The following COL5A1 variants were observed in gnomAD, a reference collection of about 807,000 sequenced individuals.
COL5A1 encodes collagen type V alpha 1 chain, also known as collagen alpha-1(V) chain.
In COL5A1, 16 loss-of-function variants were observed where a neutral mutation model predicts 263.7. The ratio of observed to expected loss-of-function variants is 0.06; its 90% CI spans 0.04 to 0.09. The LOEUF is 0.09. Ranked by LOEUF, COL5A1 falls within the 10% of genes least tolerant of loss-of-function variation. The pLI is 1.00. For missense variants in COL5A1, 2,036 were observed against 2,540.5 expected, an observed-to-expected ratio of 0.80 and a Z score of 4.27; for synonymous variants, 1,012 against 1,004.5, an observed-to-expected ratio of 1.01 and a Z score of -0.14.
chr9:134,780,873 G>C (rs150963635), intron 28 of COL5A1, among the ~76,000 whole-genome samples: 1 of 151,838 alleles, frequency 6.6e-6, no homozygotes, highest in Non-Finnish European at 1.5e-5. Flanking sequence ...CGGCCTCACC[G>C]TGCCACCCTC....
Position 134,829,984 on chromosome 9 carries a change from C to T in COL5A1, c.5076C>T (p.Ile1692=). 6.2e-7 allele frequency: 1 copy of T among 1,613,626 alleles called. No homozygotes were observed. The highest frequency in any genetic ancestry group is 8.5e-7 in the Non-Finnish European group (1 of 1,179,880). The change falls in exon 64 of 66, where the codon ATC becomes ATT. Residue 1692 remains isoleucine (I), a synonymous_variant. Coordinates refer to ENST00000371817, the MANE Select transcript of COL5A1 (RefSeq NM_000093.5). Reference sequence around the variant, plus strand: ...CCCCGCTGCATGTTTAGGCCAGAATCACTTCTTGGCCCAAAGAAAACCCGG... The same window carrying T: ...CCCCGCTGCATGTTTAGGCCAGAATTACTTCTTGGCCCAAAGAAAACCCGG... ...FPDKKSEGAR[I]TSWPKENPGS... is the part of the protein sequence containing the mutation.
At chr9:134,706,173 C>T (rs749290247) in intron 4 of COL5A1, among the ~76,000 whole-genome samples, 4 of 152,204 alleles carry the variant, frequency 2.6e-5, no homozygotes, top group Admixed American at 6.5e-5. Context: ...GGGACATTGT[C>T]CTGGGAAGTT....
In COL5A1 at chr9:134,728,185, C is replaced by T. The variant is rs1331154815; in HGVS notation, c.787-485C>T. Reference sequence around the variant, plus strand: ...CAGGACAGAGCTCCCAGCCGAGTCCCTGCTGCCCCGGCCTCCTGCCAGGCT... The same window carrying T: ...CAGGACAGAGCTCCCAGCCGAGTCCTTGCTGCCCCGGCCTCCTGCCAGGCT... On this transcript the variant is annotated intron_variant, in intron 5 of 65. Transcript: ENST00000371817. Among the ~76,000 whole-genome samples, 3 of 152,376 alleles carry T rather than the reference C, an allele frequency of 2.0e-5. No individual in the cohort carries two copies. The South Asian group carries it at 6.2e-4, about 32-fold the overall frequency.
In COL5A1 at chr9:134,652,790, A is replaced by G. The variant is rs576477284; in HGVS notation, c.109+10494A>G. The G allele has an allele frequency of 1.3e-5, 6 of 464,882 alleles. No individual in the cohort carries two copies. The highest frequency in any genetic ancestry group is 3.3e-4 in the Middle Eastern group (1 of 3,048). The allele number at this position is 464,882 out of a possible 1,614,324, so 28.8% of individuals were successfully genotyped here. On this transcript the variant is annotated intron_variant, in intron 1 of 65. Transcript: ENST00000371817. The surrounding 1 kb of genome is among the most constrained non-coding windows in gnomAD (Gnocchi z 4.4). ...GGTCCAGCGTTTCTCCTCATGGTGT[A>G]GACCAGCAGTTCCCAAACTTTACCA...
intron 54 of COL5A1, 44 bp downstream of exon 54, chr9:134,817,875 C>G (rs1462839588): frequency 6.5e-6 from 10 of 1,546,170 alleles, no homozygotes; most frequent in Non-Finnish European, 8.8e-6. Context: ...AGACCTCCCC[C>G]AGGGGAGCCC....
chr9:134,842,137 T>G lies in COL5A1; in HGVS notation c.5371-20T>G. The G allele has an allele frequency of 6.2e-7, 1 of 1,614,000 alleles. No homozygotes were observed. Among genetic ancestry groups the G allele is most frequent in the East Asian group, 2.2e-5 (1 of 44,858 alleles). On this transcript the variant is annotated intron_variant, in intron 65 of 65. Coordinates refer to ENST00000371817, the MANE Select transcript of COL5A1 (RefSeq NM_000093.5). The surrounding 1 kb of genome is among the most constrained non-coding windows in gnomAD (Gnocchi z 5.8). ...CCCAACTGTTCTTAACCACCGGCCA[T>G]CTGTCTCCCTCTTCCCCAGACCAAG...
At position 134,819,018 on chromosome 9, in the gene COL5A1, G is replaced by A. The variant is rs750864661; in HGVS notation, c.4411G>A (p.Gly1471Ser). Residue 1471 changes from glycine to serine, a missense_variant, in exon 57 of 66, where the codon GGC (glycine) becomes AGC (serine). This residue lies in a region of COL5A1 where 1,078 missense variants were observed against 1,521.4 expected (regional missense o/e 0.71). Coordinates refer to ENST00000371817, the MANE Select transcript of COL5A1 (RefSeq NM_000093.5). ...CCCACAGGGTCCCCCAGGACTTCCC[G>A]GCCTCAAAGGAGATTCTGGTCCCAA... ...PGPMGPPGLP[G>S]LKGDSGPKGE... is the part of the protein sequence containing the mutation. The A allele has an allele frequency of 7.4e-6, 12 of 1,613,290 alleles. No homozygotes were observed. Among genetic ancestry groups the A allele is most frequent in the Admixed American group, 3.3e-5 (2 of 60,008 alleles).
Position 134,641,860 on chromosome 9 carries a change from G to A in COL5A1, c.-328G>A. The A allele has an allele frequency of 2.6e-6, 1 of 389,312 alleles. No individual in the cohort carries two copies. The highest frequency in any genetic ancestry group is 4.5e-6 in the Non-Finnish European group (1 of 220,290). The allele number at this position is 389,312 out of a possible 1,614,324, so 24.1% of individuals were successfully genotyped here. Reference sequence around the variant, plus strand: ...GACCTCACTCGAGCGGAGCGCCCACGGGGAGCGGGTCGCGGGGCGGCGGCG... The same window carrying A: ...GACCTCACTCGAGCGGAGCGCCCACAGGGAGCGGGTCGCGGGGCGGCGGCG... On this transcript the variant is annotated 5_prime_UTR_variant, in exon 1 of 66. Coordinates refer to ENST00000371817, the MANE Select transcript of COL5A1 (RefSeq NM_000093.5).
intron 61 of COL5A1, among the ~76,000 whole-genome samples, chr9:134,823,875 ATGTG>A (rs765027569): frequency 1.3e-5 from 2 of 151,666 alleles, no homozygotes; most frequent in African/African-American, 2.4e-5. Context: ...TGTGTGCATG[ATGTG>A]TGTATGGGTA....
Position 134,767,332 on chromosome 9 carries a change from C to G in COL5A1, c.2210C>G (p.Ala737Gly). The G allele has an allele frequency of 6.2e-7, 1 of 1,614,084 alleles. No homozygotes were observed. The highest frequency in any genetic ancestry group is 8.5e-7 in the Non-Finnish European group (1 of 1,180,032). ...GAQGLPGPQG[A>G]IGPPGEKGPL... ...TAGGGTCTTCCAGGCCCCCAGGGTG[C>G]AATTGGTCCTCCAGGAGAAAAGGTA... The change falls in exon 24 of 66, where the codon GCA (alanine) becomes GGA (glycine). Residue 737 changes from alanine to glycine, a missense_variant. By Grantham distance (60) the Ala-to-Gly change is moderately conservative (BLOSUM62 0). Coordinates refer to ENST00000371817, the MANE Select transcript of COL5A1 (RefSeq NM_000093.5).
intron 28 of COL5A1, among the ~76,000 whole-genome samples, chr9:134,781,607 A>G (rs1341341949): frequency 2.0e-5 from 3 of 152,234 alleles, no homozygotes; most frequent in Non-Finnish European, 4.4e-5. Context: ...TGGGCTGTGC[A>G]GGGGATGCCT....
chr9:134,818,936 G>C lies in COL5A1; in HGVS notation c.4392+35G>C. On this transcript the variant is annotated intron_variant, in intron 56 of 65. Transcript: ENST00000371817. The surrounding 1 kb of genome is among the most constrained non-coding windows in gnomAD (Gnocchi z 6.0). Reference sequence around the variant, plus strand: ...ATTCCTCATGGTGAGCATAGCGGGTGGGATGACTTCGCCACCCAAAGCCCC... The same window carrying C: ...ATTCCTCATGGTGAGCATAGCGGGTCGGATGACTTCGCCACCCAAAGCCCC... 3.1e-6 allele frequency: 5 copies of C among 1,613,112 alleles called. No homozygotes were observed. Among genetic ancestry groups the C allele is most frequent in the Non-Finnish European group, 4.2e-6 (5 of 1,179,776 alleles).
chr9:134,767,532 C>T (rs1026843427), intron 24 of COL5A1, among the ~76,000 whole-genome samples, 178 bp downstream of exon 24: 6 of 152,212 alleles, frequency 3.9e-5, no homozygotes, highest in Non-Finnish European at 8.8e-5. Context: ...GATTTTGGAT[C>T]CGTGTCTCAT....
At chr9:134,726,149 G>A (rs535842044) in intron 4 of COL5A1, among the ~76,000 whole-genome samples, 61 of 152,338 alleles carry the variant, frequency 4.0e-4, no homozygotes, top group Admixed American at 5.9e-4. Context: ...GGTCTAGGGC[G>A]GGTGAGAGTG....
rs1184327130 is a variant in COL5A1 at position 134,794,321 on chromosome 9, C to A, written c.2701-761C>A. 3.9e-5 allele frequency among the ~76,000 whole-genome samples: 4 copies of A among 101,360 alleles called. No homozygotes were observed. The highest frequency in any genetic ancestry group is 7.6e-5 in the African/African-American group (2 of 26,390). The allele number at this position is 101,360 out of a possible 152,430, so 66.5% of individuals were successfully genotyped here. A position where few individuals can be genotyped will look rare whatever the true frequency, so the allele number is the denominator to read the frequency against. ...GCCTGGCGGCAGAGCAAGACTCTGT[C>A]TAAAAAAAAAAAAAAAGAAACAAAA... On this transcript the variant is annotated intron_variant, in intron 32 of 65. Coordinates refer to ENST00000371817, the MANE Select transcript of COL5A1 (RefSeq NM_000093.5). This position sits in a 1 kb window ranked among gnomAD's most constrained non-coding sequence, Gnocchi z 4.3.
At chr9:134,813,878 A>T in intron 48 of COL5A1, 105 bp from the exon 49 acceptor site, 1 of 1,289,920 alleles carries the variant, frequency 7.8e-7, no homozygotes, top group Non-Finnish European at 1.1e-6. Context: ...CTGGGTGCCC[A>T]GGGGCAGGCA....
chr9:134,815,867 T>C, intron 51 of COL5A1, 68 bp from the exon 52 acceptor site: 2 of 1,575,670 alleles, frequency 1.3e-6, no homozygotes, highest in Non-Finnish European at 1.7e-6. Flanking sequence ...GGAGATGCAT[T>C]GGGAACTGGT....
Position 134,754,375 on chromosome 9 carries a change from G to T in COL5A1, c.1827+49G>T. ...TTTAGTGACAGCAGCTTGGGCGCTG[G>T]AGGAGCCCAAATCTGGGGTGCGGGC... On this transcript the variant is annotated intron_variant, in intron 16 of 65. Transcript: ENST00000371817. This position sits in a 1 kb window ranked among gnomAD's most constrained non-coding sequence, Gnocchi z 4.3. The T allele has an allele frequency of 6.2e-7, 1 of 1,607,180 alleles. No homozygotes were observed. The highest frequency in any genetic ancestry group is 8.5e-7 in the Non-Finnish European group (1 of 1,174,200).
Position 134,738,730 on chromosome 9 carries a change from T to G in COL5A1, c.1432-16T>G, listed in dbSNP as rs896659593. Reference sequence around the variant, plus strand: ...GCCCCATCTTCTAACTGCCCCAACTTTATTTTTAATTCTAGGGTCTTCCCG... The same window carrying G: ...GCCCCATCTTCTAACTGCCCCAACTGTATTTTTAATTCTAGGGTCTTCCCG... On this transcript the variant is annotated splice_polypyrimidine_tract_variant and intron_variant, in intron 10 of 65. Transcript: ENST00000371817. 2 of 1,610,268 alleles carry G rather than the reference T, an allele frequency of 1.2e-6. No homozygotes were observed. The highest frequency in any genetic ancestry group is 1.7e-6 in the Non-Finnish European group (2 of 1,176,580).
Sources: gnomAD v4.1 joint callset for allele counts (sites outside exome capture counted in the v4.1 genomes callset) on GRCh38, gnomAD v4.1.1 for gene constraint, gnomAD v4.1.1 regional missense constraint, Gnocchi (gnomAD v3.1) non-coding constraint, MANE v1.5 for transcripts, NCBI Gene and HGNC (gene_info 2026-07-23, HGNC 2026-07-21) for gene names.